The following RGS7 variants were observed in gnomAD, a reference collection of about 807,000 sequenced individuals.
RGS7 encodes the protein regulator of G-protein signaling 7.
A neutral mutation model predicts 81.1 loss-of-function variants in RGS7; 27 were observed. The observed-to-expected ratio is 0.33, with a 90% CI of 0.25 to 0.46. The LOEUF (loss-of-function observed/expected upper bound fraction) is 0.46, where lower values mean the gene tolerates loss of function less well. RGS7 is among the 20% of genes least tolerant of loss of function. The pLI, the probability that RGS7 is intolerant of heterozygous loss-of-function variation, is 1.00. For missense variants in RGS7, 396 were observed against 607.4 expected (o/e 0.65, Z 3.66); for synonymous variants, 208 against 207.7 (o/e 1.00, Z -0.01).
chr1:240,999,945 T>G (rs568258978), intron 3 of RGS7, among the ~76,000 whole-genome samples: 1 of 152,270 alleles, frequency 6.6e-6, no homozygotes, highest in East Asian at 1.9e-4. Flanking sequence ...ATCTTTGTAT[T>G]TTGTTATGCG....
At chr1:240,780,060 C>T (rs2102958680) in intron 18 of RGS7, among the ~76,000 whole-genome samples, 1 of 152,240 alleles carries the variant, frequency 6.6e-6, no homozygotes, top group South Asian at 2.1e-4. Flanking sequence ...ATGCCATTTC[C>T]TGTGTTTACT....
At chr1:240,816,522 A>AATCAAATAAGC in intron 10 of RGS7, 107 bp from the exon 11 acceptor site, 1 of 748,806 alleles carries the variant, frequency 1.3e-6, no homozygotes, top group Non-Finnish European at 2.3e-6. Flanking sequence ...CTCAAAGCTT[A>AATCAAATAAGC]TTTGATTAAG....
At chr1:241,101,593 C>G (rs538447925) in intron 2 of RGS7, among the ~76,000 whole-genome samples, 1 of 152,198 alleles carries the variant, frequency 6.6e-6, no homozygotes, top group South Asian at 2.1e-4. Flanking sequence ...CCAAATACCC[C>G]ACTTCTTTTG....
intron 2 of RGS7, among the ~76,000 whole-genome samples, chr1:241,221,313 A>G (rs1417783737): frequency 6.6e-6 from 1 of 152,202 alleles, no homozygotes; most frequent in Non-Finnish European, 1.5e-5. Flanking sequence ...AATGAGAGCA[A>G]ATATTTATGT....
chr1:240,814,420 C>T (rs1194876451), intron 12 of RGS7, among the ~76,000 whole-genome samples: 1 of 152,164 alleles, frequency 6.6e-6, no homozygotes, highest in African/African-American at 2.4e-5. Context: ...TTCATGTCTT[C>T]CAGCAGGAGT....
intron 9 of RGS7, among the ~76,000 whole-genome samples, chr1:240,841,518 C>T (rs1657988159): frequency 6.6e-6 from 1 of 152,148 alleles, no homozygotes; most frequent in Non-Finnish European, 1.5e-5. Flanking sequence ...AAGATATAAA[C>T]TAAGAAAAGA....
chr1:240,838,045 T>A (rs1005575685), intron 9 of RGS7, among the ~76,000 whole-genome samples: 10 of 152,088 alleles, frequency 6.6e-5, no homozygotes, highest in African/African-American at 2.4e-4. Flanking sequence ...AGAAAAGGGG[T>A]GCATCTCCCT....
Position 241,336,129 on chromosome 1 carries a change from T to C in RGS7, c.78+19570A>G, listed in dbSNP as rs576616720. Among the ~76,000 whole-genome samples, 299 of 152,262 alleles carry C rather than the reference T, an allele frequency of 2.0e-3. 1 individual carries two copies. The highest frequency in any genetic ancestry group is 6.9e-3 in the African/African-American group (288 of 41,556). ...CCACTTTTTCTACATAGCCTTGGTA[T>C]AACCAAAATTATCTGAGGAGTAGAG... is the stretch of plus-strand genomic sequence containing the variant. On this transcript the variant is annotated intron_variant, in intron 2 of 18. Transcript: ENST00000440928.
At chr1:240,800,497 G>T (rs1687849679) in intron 18 of RGS7, 144 bp downstream of exon 18, 6 of 422,394 alleles carry the variant, frequency 1.4e-5, no homozygotes, top group Non-Finnish European at 2.2e-5. Context: ...AATCCAGTTT[G>T]CTCACATTTC....
At chr1:240,977,302 T>A (rs1181578042) in intron 4 of RGS7, among the ~76,000 whole-genome samples, 1 of 152,232 alleles carries the variant, frequency 6.6e-6, no homozygotes, top group South Asian at 2.1e-4. Flanking sequence ...GTAGCCATTT[T>A]ATTTAATCTT....
chr1:241,115,876 G>A (rs2065855852), intron 2 of RGS7, among the ~76,000 whole-genome samples: 1 of 152,168 alleles, frequency 6.6e-6, no homozygotes, highest in African/African-American at 2.4e-5. Flanking sequence ...AACTGGAGGA[G>A]GGGCCTGGTG....
chr1:241,272,535 T>G (rs2077973577), intron 2 of RGS7, among the ~76,000 whole-genome samples: 1 of 152,220 alleles, frequency 6.6e-6, no homozygotes, highest in Non-Finnish European at 1.5e-5. Context: ...GTGCTTTCCT[T>G]GAACAGCCAA....
At chr1:240,889,308 G>A (rs1344797447) in intron 6 of RGS7, among the ~76,000 whole-genome samples, 1 of 152,138 alleles carries the variant, frequency 6.6e-6, no homozygotes, top group Non-Finnish European at 1.5e-5. Context: ...TCAACTCCAG[G>A]AATATCTAGA....
chr1:240,840,982 G>A (rs1657860117), intron 9 of RGS7, among the ~76,000 whole-genome samples: 1 of 152,114 alleles, frequency 6.6e-6, no homozygotes, highest in Non-Finnish European at 1.5e-5. Context: ...GAGAATGTTG[G>A]TACCTATAAC....
At chr1:241,103,010 C>CAAAAA (rs59775668) in intron 2 of RGS7, among the ~76,000 whole-genome samples, 63 of 127,094 alleles carry the variant, frequency 5.0e-4, no homozygotes, top group Middle Eastern at 4.4e-3. Flanking sequence ...TACAAGCAAG[C>CAAAAA]AAAAAAAAAA....
At chr1:241,023,859 C>G (rs2059661578) in intron 3 of RGS7, among the ~76,000 whole-genome samples, 2 of 152,292 alleles carry the variant, frequency 1.3e-5, no homozygotes, top group Admixed American at 6.5e-5. Context: ...GATTCTCCTG[C>G]CTCCACCTCC....
chr1:241,169,865 T>A (rs1000304386), intron 2 of RGS7, among the ~76,000 whole-genome samples: 8 of 152,136 alleles, frequency 5.3e-5, no homozygotes, highest in Non-Finnish European at 1.2e-4. Context: ...AGTGCATTTA[T>A]AACAAGCATC....
chr1:241,253,238 A>G (rs2076913665), intron 2 of RGS7, among the ~76,000 whole-genome samples: 1 of 152,208 alleles, frequency 6.6e-6, no homozygotes, highest in South Asian at 2.1e-4. Flanking sequence ...GTAGGAGACA[A>G]GCAGTAGATT....
intron 3 of RGS7, among the ~76,000 whole-genome samples, chr1:241,069,729 A>C (rs1014982800): frequency 6.6e-6 from 1 of 152,200 alleles, no homozygotes; most frequent in Non-Finnish European, 1.5e-5. Context: ...TCCTTCACTG[A>C]CATATTTCCG....
Sources: gnomAD v4.1 joint callset for allele counts (sites outside exome capture counted in the v4.1 genomes callset) on GRCh38, gnomAD v4.1.1 for gene constraint, MANE v1.5 for transcripts, NCBI Gene and HGNC (gene_info 2026-07-23, HGNC 2026-07-21) for gene names.